GALK2: variants seen among roughly 807,000 people sequenced by gnomAD.
GALK2 encodes the protein N-acetylgalactosamine kinase.
Under a neutral mutation model 52.4 loss-of-function variants are expected in GALK2, and 36 were observed. The observed-to-expected ratio is 0.69, with a 90% CI of 0.53 to 0.91. The LOEUF (loss-of-function observed/expected upper bound fraction) is 0.91, where lower values mean the gene tolerates loss of function less well. Among genes scored for constraint, GALK2 ranks in the 40% least tolerant of loss-of-function variants. The pLI is 0.00. For missense variants in GALK2, 579 were observed against 559.1 expected (o/e 1.04, Z -0.36); for synonymous variants, 176 against 199.1 (o/e 0.88, Z 0.98).
At position 49,202,467 on chromosome 15, in the gene GALK2, GC is replaced by G. The variant is rs1378504926; in HGVS notation, c.142+1219del. 5.9e-5 allele frequency among the ~76,000 whole-genome samples: 9 copies of G among 152,256 alleles called. No homozygotes were observed. The East Asian group carries it at 1.7e-3, about 29-fold the overall frequency. ...GAACATGAGGTATGTATCTTTCTGT[GC>G]CTGACTTATTTCACTTAACATAATG... On this transcript the variant is annotated intron_variant, in intron 2 of 9. Transcript: ENST00000560031.
intron 8 of GALK2, among the ~76,000 whole-genome samples, chr15:49,312,661 TGGAG>T (rs1219438886): frequency 1.3e-5 from 2 of 152,328 alleles, no homozygotes; most frequent in Admixed American, 1.3e-4. Flanking sequence ...TGTGTCTCAC[TGGAG>T]AACCCTGATT....
Position 49,366,555 on chromosome 15 carries a change from G to A in GALK2, c.427-936G>A, listed in dbSNP as rs1357811332. 4 of 1,589,382 alleles carry A rather than the reference G, an allele frequency of 2.5e-6. No individual in the cohort carries two copies. In the African/African-American group the frequency reaches 5.4e-5, roughly 21 times the overall value. On this transcript the variant is annotated intron_variant, in intron 3 of 3. Transcript: ENST00000558399. Reference sequence around the variant, plus strand: ...AGAGCTGACCAATGGGGGTTATAAAGCATGCAGTAGTCCTTGGATGTGCCA... The same window carrying A: ...AGAGCTGACCAATGGGGGTTATAAAACATGCAGTAGTCCTTGGATGTGCCA...
chr15:49,178,635 A>G (rs970557354), intron 1 of GALK2: 1 of 222,098 alleles, frequency 4.5e-6, no homozygotes, highest in Non-Finnish European at 9.4e-6. Context: ...GCCCTGTGGT[A>G]GAGCAGAGAG....
chr15:49,351,359 T>TA lies in GALK2; in HGVS notation c.427-16131dup, dbSNP rs1167515593. Reference sequence around the variant, plus strand: ...TTTCCTGGAAGATACGGAAAGAAGATACGGCCAATTCCGCCCAAACTCTGG... The same window carrying TA: ...TTTCCTGGAAGATACGGAAAGAAGATAACGGCCAATTCCGCCCAAACTCTGG... On this transcript the variant is annotated intron_variant, in intron 3 of 3. Coordinates refer to the GALK2 transcript ENST00000558399. Among the ~76,000 whole-genome samples the TA allele has an allele frequency of 3.3e-5, 5 of 152,342 alleles. No individual in the cohort carries two copies. In the South Asian group the frequency reaches 1.0e-3, roughly 32 times the overall value.
At chr15:49,311,302 G>A (rs924284465) in intron 8 of GALK2, among the ~76,000 whole-genome samples, 4 of 152,146 alleles carry the variant, frequency 2.6e-5, no homozygotes, top group African/African-American at 9.7e-5. Flanking sequence ...AAAAGGTTCT[G>A]TAATCCCTAA....
chr15:49,360,789 TTAAC>T (rs2044087143), intron 3 of GALK2, among the ~76,000 whole-genome samples: 1 of 152,222 alleles, frequency 6.6e-6, no homozygotes, highest in Non-Finnish European at 1.5e-5. Flanking sequence ...TTAGTGTACA[TTAAC>T]TAGTAAACAA....
intron 1 of GALK2, among the ~76,000 whole-genome samples, chr15:49,188,534 C>A (rs1416045246): frequency 6.6e-6 from 1 of 152,258 alleles, no homozygotes; most frequent in Non-Finnish European, 1.5e-5. Flanking sequence ...TGATTCAAGA[C>A]TATCTTTCCA....
chr15:49,251,093 G>T (rs1271888462), intron 5 of GALK2, among the ~76,000 whole-genome samples: 1 of 152,160 alleles, frequency 6.6e-6, no homozygotes, highest in Non-Finnish European at 1.5e-5. Context: ...AACCAAATGT[G>T]ATAGCTTGAT....
At chr15:49,341,648 G>A (rs1215444132) in intron 3 of GALK2, among the ~76,000 whole-genome samples, 2 of 152,122 alleles carry the variant, frequency 1.3e-5, no homozygotes, top group Non-Finnish European at 2.9e-5. Context: ...CACTGTGTCT[G>A]GCTGAGATCT....
intron 3 of GALK2, among the ~76,000 whole-genome samples, chr15:49,355,676 A>C (rs938223460): frequency 3.3e-5 from 5 of 151,738 alleles, no homozygotes; most frequent in African/African-American, 1.2e-4. Context: ...GCAGGATATT[A>C]TCCAGGAGAA....
chr15:49,321,022 A>G (rs1012485143), intron 9 of GALK2, among the ~76,000 whole-genome samples: 2 of 152,218 alleles, frequency 1.3e-5, no homozygotes, highest in African/African-American at 4.8e-5. Context: ...GTCAACCTGT[A>G]CTTGTTTTCA....
chr15:49,360,001 A>G (rs888455104), intron 3 of GALK2, among the ~76,000 whole-genome samples: 1 of 147,796 alleles, frequency 6.8e-6, no homozygotes, highest in African/African-American at 2.5e-5. Flanking sequence ...AAAAAACCAA[A>G]CACCGCATAT....
At chr15:49,343,452 A>T (rs1295354346) in intron 3 of GALK2, among the ~76,000 whole-genome samples, 2 of 152,128 alleles carry the variant, frequency 1.3e-5, no homozygotes, top group Admixed American at 6.6e-5. Flanking sequence ...TTGACTTTCA[A>T]CACACTCTAG....
intron 8 of GALK2, among the ~76,000 whole-genome samples, chr15:49,315,156 A>G (rs991799496): frequency 2.6e-5 from 4 of 152,220 alleles, no homozygotes; most frequent in South Asian, 4.1e-4. Context: ...GGAGAAAATC[A>G]GTGTTCTGAA....
chr15:49,323,041 A>T (rs2037034978), intron 9 of GALK2, among the ~76,000 whole-genome samples: 1 of 152,074 alleles, frequency 6.6e-6, no homozygotes, highest in Non-Finnish European at 1.5e-5. Context: ...AGAATGCAGA[A>T]ATTAGTGGGA....
intron 8 of GALK2, among the ~76,000 whole-genome samples, chr15:49,312,638 A>G (rs974245813): frequency 1.6e-4 from 25 of 152,152 alleles, no homozygotes; most frequent in African/African-American, 5.8e-4. Flanking sequence ...GTATACCTAT[A>G]TATCCTGTTG....
exon 4 of GALK2, chr15:49,367,559 A>G: frequency 6.2e-7 from 1 of 1,604,378 alleles, no homozygotes; most frequent in Non-Finnish European, 8.5e-7. Flanking sequence ...CTGACCTCCA[A>G]AATTGAAGAG....
chr15:49,299,754 TCTTTCTTTC>T (rs2034882299), intron 8 of GALK2, among the ~76,000 whole-genome samples: 2 of 138,496 alleles, frequency 1.4e-5, no homozygotes, highest in South Asian at 4.7e-4. Context: ...TTTCTTTCTT[TCTTTCTTTC>T]TTTCTTTCTT....
intron 3 of GALK2, among the ~76,000 whole-genome samples, chr15:49,230,486 G>A (rs1353915997): frequency 6.6e-6 from 1 of 152,162 alleles, no homozygotes; most frequent in Non-Finnish European, 1.5e-5. Flanking sequence ...GTCACTTCTT[G>A]TTGAATTCAG....
Sources: allele counts gnomAD v4.1 joint callset (sites outside exome capture counted in the v4.1 genomes callset), GRCh38; gene constraint gnomAD v4.1.1; transcripts MANE v1.5; gene names NCBI Gene and HGNC (gene_info 2026-07-23, HGNC 2026-07-21).